Variants in TSPAN18 observed in about 807,000 individuals in gnomAD.
TSPAN18 encodes tetraspanin-18.
In TSPAN18, 14 loss-of-function variants were observed where a neutral mutation model predicts 27.3. That is an observed-to-expected ratio of 0.51 (90% CI 0.34 to 0.80). The LOEUF (loss-of-function observed/expected upper bound fraction) is 0.80. Ranked by LOEUF, TSPAN18 falls within the 30% of genes least tolerant of loss-of-function variation. The pLI is 0.01. For missense variants in TSPAN18, 268 were observed against 323.9 expected, an observed-to-expected ratio of 0.83 and a Z score of 1.32; for synonymous variants, 143 against 136.5, an observed-to-expected ratio of 1.05 and a Z score of -0.33.
chr11:44,857,214 A>G (rs571299087), intron 2 of TSPAN18, among the ~76,000 whole-genome samples: 4 of 152,342 alleles, frequency 2.6e-5, no homozygotes, highest in African/African-American at 9.6e-5. Flanking sequence ...GGTTATCTTG[A>G]TCACTGGGAT....
chr11:44,792,390 A>T (rs1320594518), intron 2 of TSPAN18, among the ~76,000 whole-genome samples: 2 of 152,148 alleles, frequency 1.3e-5, no homozygotes, highest in Admixed American at 1.3e-4. Flanking sequence ...CCAGGGCTGG[A>T]GCCAAGTTCA....
chr11:44,752,067 C>T (rs1330497620), intron 1 of TSPAN18, among the ~76,000 whole-genome samples: 1 of 152,140 alleles, frequency 6.6e-6, no homozygotes, highest in Non-Finnish European at 1.5e-5. Context: ...GTGTTTTGGA[C>T]TGAACTCTAG....
At chr11:44,790,089 G>A (rs1024979512) in intron 2 of TSPAN18, among the ~76,000 whole-genome samples, 3 of 152,230 alleles carry the variant, frequency 2.0e-5, no homozygotes, top group African/African-American at 7.2e-5. Context: ...GTGGGTCGGG[G>A]CAGCAGCTTC....
chr11:44,799,218 G>A lies in TSPAN18; in HGVS notation c.-153+34706G>A, dbSNP rs182148428. ...TGTCCAACATTCCTCAGCCTTGCCC[G>A]AGACCTTCTTGAACCCTCGTCCCCT... On this transcript the variant is annotated intron_variant, in intron 2 of 9. Transcript: ENST00000520358. Among the ~76,000 whole-genome samples the A allele has an allele frequency of 3.7e-3, 557 of 152,002 alleles. 6 individuals carry two copies. Among genetic ancestry groups the A allele is most frequent in the Middle Eastern group, 0.014 (4 of 292 alleles).
chr11:44,809,562 C>T (rs1856671219), intron 2 of TSPAN18, among the ~76,000 whole-genome samples: 1 of 152,190 alleles, frequency 6.6e-6, no homozygotes, highest in Non-Finnish European at 1.5e-5. Flanking sequence ...CCCAGCTTCT[C>T]GCTTGATGCT....
chr11:44,758,616 G>A (rs1855384504), intron 1 of TSPAN18, among the ~76,000 whole-genome samples: 1 of 152,186 alleles, frequency 6.6e-6, no homozygotes, highest in Non-Finnish European at 1.5e-5. Context: ...AATTCCTGCT[G>A]CTTCTGTGTA....
At chr11:44,752,952 G>A (rs1424265678) in intron 1 of TSPAN18, among the ~76,000 whole-genome samples, 1 of 152,130 alleles carries the variant, frequency 6.6e-6, no homozygotes, top group Non-Finnish European at 1.5e-5. Context: ...GTAATTACAG[G>A]ATTCTTGGGT....
intron 2 of TSPAN18, among the ~76,000 whole-genome samples, chr11:44,769,237 G>A (rs1177627791): frequency 6.6e-6 from 1 of 152,090 alleles, no homozygotes; most frequent in Non-Finnish European, 1.5e-5. Context: ...TGTGTACCTG[G>A]AATAAATCTC....
intron 1 of TSPAN18, among the ~76,000 whole-genome samples, chr11:44,736,846 C>G (rs1283612467): frequency 6.6e-6 from 1 of 152,200 alleles, no homozygotes; most frequent in African/African-American, 2.4e-5. Context: ...CATTTTAACT[C>G]ACAGGGTTTG....
chr11:44,910,125 T>A (rs994346529), intron 5 of TSPAN18, among the ~76,000 whole-genome samples: 1 of 152,194 alleles, frequency 6.6e-6, no homozygotes, highest in African/African-American at 2.4e-5. Flanking sequence ...CAGAGTCCCA[T>A]GGAGTTGGCA....
chr11:44,779,677 C>A lies in TSPAN18; in HGVS notation c.-153+15165C>A, dbSNP rs149759137. Among the ~76,000 whole-genome samples, 527 of 152,128 alleles carry A rather than the reference C, an allele frequency of 3.5e-3. 3 individuals are homozygous for A. Among genetic ancestry groups the A allele is most frequent in the African/African-American group, 0.011 (462 of 41,490 alleles). On this transcript the variant is annotated intron_variant, in intron 2 of 9. Coordinates refer to ENST00000520358, the MANE Select transcript of TSPAN18 (RefSeq NM_130783.5). ...CTACCCACATACCTGTGCATATTTA[C>A]ACACACACTGGCACACATACCTGCA...
At chr11:44,878,865 T>C (rs1026954391) in intron 3 of TSPAN18, among the ~76,000 whole-genome samples, 2 of 150,982 alleles carry the variant, frequency 1.3e-5, no homozygotes, top group African/African-American at 4.8e-5. Context: ...CCATTGCCTC[T>C]GCGGGAACTG....
chr11:44,861,583 G>A (rs1857887664), intron 3 of TSPAN18, among the ~76,000 whole-genome samples: 1 of 151,848 alleles, frequency 6.6e-6, no homozygotes, highest in Non-Finnish European at 1.5e-5. Flanking sequence ...GAAAATCCAA[G>A]CATTATTTTT....
chr11:44,879,938 G>A (rs759203172), intron 3 of TSPAN18, among the ~76,000 whole-genome samples: 1 of 152,238 alleles, frequency 6.6e-6, no homozygotes, highest in Admixed American at 6.5e-5. Context: ...GTAGGCAAGA[G>A]ATGGCTCCTC....
intron 8 of TSPAN18, among the ~76,000 whole-genome samples, chr11:44,924,097 TTGTGTGTGTG>T (rs57394106): frequency 2.1e-5 from 3 of 145,770 alleles, no homozygotes; most frequent in South Asian, 2.3e-4. Context: ...CCTTCTGGGG[TTGTGTGTGTG>T]TGTGTGTGTG....
intron 1 of TSPAN18, among the ~76,000 whole-genome samples, chr11:44,751,187 C>T (rs1439982691): frequency 1.3e-5 from 2 of 152,190 alleles, no homozygotes; most frequent in Non-Finnish European, 2.9e-5. Flanking sequence ...GTGGAAGAAA[C>T]ACATGTGAAT....
At chr11:44,845,048 C>T (rs191931512) in intron 2 of TSPAN18, among the ~76,000 whole-genome samples, 3 of 152,334 alleles carry the variant, frequency 2.0e-5, no homozygotes, top group African/African-American at 7.2e-5. Flanking sequence ...TTATGAAGTG[C>T]TTCCCTGATG....
chr11:44,732,417 T>C lies in TSPAN18; in HGVS notation c.-240+5130T>C, dbSNP rs143268789. ...TCAGAGTAAGTGGTGGGATTGAGAT[T>C]TGATCCTCGGTTGATCTGATTCTCT... is the stretch of plus-strand genomic sequence containing the variant. On this transcript the variant is annotated intron_variant, in intron 1 of 9. Coordinates refer to ENST00000520358, the MANE Select transcript of TSPAN18 (RefSeq NM_130783.5). Among the ~76,000 whole-genome samples the C allele has an allele frequency of 4.5e-4, 68 of 152,354 alleles. No homozygotes were observed. The East Asian group carries it at 0.011, about 24-fold the overall frequency.
At chr11:44,768,789 A>G (rs1030425962) in intron 2 of TSPAN18, among the ~76,000 whole-genome samples, 2 of 152,016 alleles carry the variant, frequency 1.3e-5, no homozygotes, top group African/African-American at 4.8e-5. Context: ...AGTTTTTATC[A>G]TGAATAGATA....
Sources: allele counts gnomAD v4.1 joint callset (sites outside exome capture counted in the v4.1 genomes callset), GRCh38; gene constraint gnomAD v4.1.1; transcripts MANE v1.5; gene names NCBI Gene and HGNC (gene_info 2026-07-23, HGNC 2026-07-21).